SMG5: variants seen among roughly 807,000 people sequenced by gnomAD.
SMG5 encodes nonsense-mediated mRNA decay factor SMG5.
A neutral mutation model predicts 122.9 loss-of-function variants in SMG5; 53 were observed. The ratio of observed to expected loss-of-function variants is 0.43; its 90% CI spans 0.35 to 0.54. The LOEUF (loss-of-function observed/expected upper bound fraction) is 0.54, where lower values mean the gene tolerates loss of function less well. SMG5 is among the 20% of genes least tolerant of loss of function. SMG5 has a pLI of 0.01. For missense variants in SMG5, 1,153 were observed against 1,285.6 expected (o/e 0.90, Z 1.58); for synonymous variants, 477 against 490.2 (o/e 0.97, Z 0.35).
At chr1:156,256,927 CT>C (rs10706859) in intron 16 of SMG5, among the ~76,000 whole-genome samples, 28,190 of 138,526 alleles carry the variant, frequency 0.2, 2,777 homozygotes, top group East Asian at 0.28. Context: ...TTTTCTTTTC[CT>C]TTTTTTTTTT....
At position 156,250,241 on chromosome 1, in the gene SMG5, TC is replaced by T. The variant is rs2103200661; in HGVS notation, c.*345del. The T allele has an allele frequency of 2.7e-6, 1 of 370,442 alleles. No homozygotes were observed. Among genetic ancestry groups the T allele is most frequent in the South Asian group, 2.4e-5 (1 of 41,854 alleles). The allele number at this position is 370,442 out of a possible 1,614,324, so 22.9% of individuals were successfully genotyped here. On this transcript the variant is annotated 3_prime_UTR_variant, in exon 22 of 22. Coordinates refer to ENST00000361813, the MANE Select transcript of SMG5 (RefSeq NM_015327.3). ...AAGAAGGGCCTCTTTTGCTGTTCCT[TC>T]CCCTCAGAGATCCAAGAACCCATTC...
At position 156,277,089 on chromosome 1, in the gene SMG5, G is replaced by T; in HGVS notation, c.450C>A (p.Leu150=). The T allele has an allele frequency of 6.2e-7, 1 of 1,613,324 alleles. No homozygotes were observed. Among genetic ancestry groups the T allele is most frequent in the South Asian group, 1.1e-5 (1 of 90,992 alleles). The change falls in exon 4 of 22, where the codon CTC becomes CTA. Residue 150 remains leucine, a synonymous_variant. Coordinates refer to ENST00000361813, the MANE Select transcript of SMG5 (RefSeq NM_015327.3). Reference sequence around the variant, plus strand: ...CACCTTTCAGGTTCCACTGACCTATGAGGGGGTCAGTGACATGGGTCCAGT... The same window carrying T: ...CACCTTTCAGGTTCCACTGACCTATTAGGGGGTCAGTGACATGGGTCCAGT... ...CIDWTHVTDP[L]IGCKKPVSAS...
upstream of SMG5, among the ~76,000 whole-genome samples, chr1:156,284,560 A>G (rs1279863022): frequency 1.3e-5 from 2 of 152,152 alleles, no homozygotes; most frequent in Non-Finnish European, 2.9e-5. Context: ...GATCAGACCT[A>G]AATATCAGAA....
chr1:156,252,364 C>G, intron 19 of SMG5, 50 bp downstream of exon 19: 1 of 1,575,538 alleles, frequency 6.3e-7, no homozygotes, highest in Non-Finnish European at 8.7e-7. Flanking sequence ...CATGTGTTAT[C>G]CAAAAGACAG....
Position 156,277,107 on chromosome 1 carries a change from G to T in SMG5, c.432C>A (p.Thr144=). ...QLELQCCIDW[T]HVTDPLIGCK... ...GACCTATGAGGGGGTCAGTGACATG[G>T]GTCCAGTCGATGCAGCACTGCAGTT... The change falls in exon 4 of 22, where the codon ACC becomes ACA. Residue 144 remains threonine, a synonymous_variant. Coordinates refer to ENST00000361813, the MANE Select transcript of SMG5 (RefSeq NM_015327.3). 6.2e-7 allele frequency: 1 copy of T among 1,613,692 alleles called. No individual in the cohort carries two copies. The highest frequency in any genetic ancestry group is 1.3e-5 in the African/African-American group (1 of 75,030).
chr1:156,264,021 G>A (rs1417530033), intron 12 of SMG5, among the ~76,000 whole-genome samples: 1 of 152,114 alleles, frequency 6.6e-6, no homozygotes, highest in Non-Finnish European at 1.5e-5. Context: ...TGTAATCCCT[G>A]CACTTTGGGA....
At chr1:156,274,752 A>G in intron 4 of SMG5, 66 bp from the exon 5 acceptor site, 1 of 1,313,308 alleles carries the variant, frequency 7.6e-7, no homozygotes. Flanking sequence ...ATGAAGAAAT[A>G]CCCCTCCGAG....
Position 156,253,051 on chromosome 1 carries a change from G to A in SMG5, c.2530C>T (p.Leu844=). The A allele has an allele frequency of 2.5e-6, 4 of 1,611,042 alleles. No individual in the cohort carries two copies. Among genetic ancestry groups the A allele is most frequent in the Non-Finnish European group, 3.4e-6 (4 of 1,178,626 alleles). The change falls in exon 18 of 22, where the codon CTG becomes TTG. Residue 844 remains leucine, a synonymous_variant. Transcript: ENST00000361813. The stretch of plus-strand genomic sequence containing the variant: ...GCTGACTGGGCCTTGGGCTGCTGCA[G>A]GCTGCCCTCCAGCTGAGACACTTCG... ...QLEVSQLEGS[L]QQPKAQSAMS...
At position 156,251,490 on chromosome 1, in the gene SMG5, T is replaced by C. The variant is rs764491807; in HGVS notation, c.2754-13A>G. The C allele has an allele frequency of 4.3e-6, 7 of 1,613,700 alleles. No homozygotes were observed. Among genetic ancestry groups the C allele is most frequent in the Admixed American group, 1.7e-5 (1 of 60,020 alleles). On this transcript the variant is annotated splice_polypyrimidine_tract_variant and intron_variant, in intron 19 of 21. Transcript: ENST00000361813. ...GCAGCGAATGTACCTGCAGAGGAGA[T>C]GTGCGAGTGGAGGTCAGGAGCAGGA...
chr1:156,260,181 G>T (rs72708300), intron 15 of SMG5, among the ~76,000 whole-genome samples: 13 of 152,262 alleles, frequency 8.5e-5, no homozygotes, highest in Non-Finnish European at 1.9e-4. Flanking sequence ...TATTTGTTCT[G>T]CCCTTTACAG....
chr1:156,271,159 T>G lies in SMG5; in HGVS notation c.713+1161A>C, dbSNP rs139569651. Reference sequence around the variant, plus strand: ...GGGACCCTCAACAAGCTAAATTTAATACAGCGACTAGGTTACCTTGGCCAG... The same window carrying G: ...GGGACCCTCAACAAGCTAAATTTAAGACAGCGACTAGGTTACCTTGGCCAG... On this transcript the variant is annotated intron_variant, in intron 7 of 21. Coordinates refer to ENST00000361813, the MANE Select transcript of SMG5 (RefSeq NM_015327.3). 4.7e-3 allele frequency among the ~76,000 whole-genome samples: 713 copies of G among 152,310 alleles called. 2 individuals carry two copies. The highest frequency in any genetic ancestry group is 0.011 in the South Asian group (54 of 4,826).
Position 156,249,764 on chromosome 1 carries a change from C to T in SMG5, c.*823G>A, listed in dbSNP as rs1314666885. ...CAGACTGCACCCCCTTTCTTCTCTT[C>T]CTGGCATCCCATTCTGTCCCAGCAC... On this transcript the variant is annotated 3_prime_UTR_variant, in exon 22 of 22. Coordinates refer to ENST00000361813, the MANE Select transcript of SMG5 (RefSeq NM_015327.3). 1 of 470,924 alleles carries T rather than the reference C, an allele frequency of 2.1e-6. No homozygotes were observed. The highest frequency in any genetic ancestry group is 2.0e-5 in the African/African-American group (1 of 50,102). 29.2% of individuals were successfully genotyped at this position (470,924 alleles called of 1,614,324 possible).
At chr1:156,278,786 T>C (rs1662801778) in intron 2 of SMG5, 150 bp downstream of exon 2, 3 of 662,010 alleles carry the variant, frequency 4.5e-6, no homozygotes, top group African/African-American at 1.8e-5. Context: ...TCCTATCTCC[T>C]CTCTTAGGAA....
chr1:156,267,625 T>C lies in SMG5; in HGVS notation c.962A>G (p.Asn321Ser), dbSNP rs755697720. ...SLCQSVLEDF[N>S]LCLFYLPSSP... ...GGAGGGCAGGTAGAAGAGGCAGAGG[T>C]TGAAGTCCTCCAGGACTGACTGGCA... Residue 321 changes from asparagine to serine, a missense_variant, in exon 10 of 22, where the codon AAC becomes AGC. This residue lies in a region of SMG5 where 631 missense variants were observed against 650.6 expected (regional missense o/e 0.97). Transcript: ENST00000361813. 5 of 1,612,996 alleles carry C rather than the reference T, an allele frequency of 3.1e-6. No individual in the cohort carries two copies. Among genetic ancestry groups the C allele is most frequent in the Admixed American group, 1.7e-5 (1 of 59,930 alleles).
chr1:156,268,226 AGTCC>A (rs1472685017), intron 8 of SMG5, 43 bp from the exon 9 acceptor site: 3 of 1,614,012 alleles, frequency 1.9e-6, no homozygotes, highest in African/African-American at 1.3e-5. Context: ...ATGGTCCCGC[AGTCC>A]CTATGGTCCT....
intron 12 of SMG5, among the ~76,000 whole-genome samples, chr1:156,265,036 TACACACACACACAC>T (rs35457785): frequency 4.9e-5 from 6 of 122,824 alleles, no homozygotes; most frequent in South Asian, 2.8e-4. Context: ...AAAAAAAAAA[TACACACACACACAC>T]ACACACACAC....
In SMG5 at chr1:156,261,278, T is replaced by A. The variant is rs375591497; in HGVS notation, c.2107+55A>T. ...GGGTTATGGGGAGGGGAGATGGGCT[T>A]AGTGGGGACAATGAGAGAGCAAAGA... On this transcript the variant is annotated intron_variant, in intron 14 of 21. Transcript: ENST00000361813. 7.2e-5 allele frequency: 111 copies of A among 1,546,744 alleles called. 1 individual carries two copies. The African/African-American group carries it at 1.4e-3, about 19-fold the overall frequency.
At chr1:156,286,352 G>A, upstream of SMG5, 2 of 1,614,218 alleles carry the variant, frequency 1.2e-6, no homozygotes, top group Non-Finnish European at 1.7e-6. Flanking sequence ...CCGGCGATAT[G>A]TGGCCCAGTC....
intron 17 of SMG5, 61 bp from the exon 18 acceptor site, chr1:156,253,139 A>G: frequency 6.7e-7 from 1 of 1,498,376 alleles, no homozygotes; most frequent in Non-Finnish European, 8.9e-7. Context: ...GGCCGGGGGA[A>G]GAGTGGTGCT....
Sources: allele counts gnomAD v4.1 joint callset (sites outside exome capture counted in the v4.1 genomes callset), GRCh38; gene constraint gnomAD v4.1.1; regional missense constraint gnomAD v4.1.1; transcripts MANE v1.5; gene names NCBI Gene and HGNC (gene_info 2026-07-23, HGNC 2026-07-21).